Variants in MCCC1 observed in about 807,000 individuals in gnomAD.
MCCC1 encodes methylcrotonyl-CoA carboxylase subunit 1, also known as methylcrotonoyl-CoA carboxylase subunit alpha, mitochondrial.
MCCC1 carries 64 observed loss-of-function variants against 83.8 expected under a neutral mutation model. The observed-to-expected ratio is 0.76, with a 90% CI of 0.62 to 0.94. The LOEUF is 0.94. Ranked by LOEUF, MCCC1 falls within the 40% of genes least tolerant of loss-of-function variation. The pLI is 0.00. For missense variants in MCCC1, 807 were observed against 904.7 expected, an observed-to-expected ratio of 0.89 and a Z score of 1.39; for synonymous variants, 322 against 315.4, an observed-to-expected ratio of 1.02 and a Z score of -0.22.
chr3:183,022,460 G>A lies in MCCC1; in HGVS notation c.1826C>T (p.Ala609Val), dbSNP rs777026304. The stretch of plus-strand genomic sequence containing the variant: ...AGTGTTTTCCAGGATAATCAGCTTC[G>A]CTTTACTAGCAACTCCATTAACAGA... ...KCSVNGVASK[A>V]KLIILENTIY... Residue 609 changes from alanine to valine, a missense_variant, in exon 16 of 19, where the codon GCG (alanine) becomes GTG (valine). Transcript: ENST00000265594. 2.2e-5 allele frequency: 36 copies of A among 1,613,886 alleles called. No individual in the cohort carries two copies. The East Asian group carries it at 3.3e-4, about 15-fold the overall frequency.
At chr3:183,100,913 G>T (rs1719213813), upstream of MCCC1, among the ~76,000 whole-genome samples, 1 of 152,258 alleles carries the variant, frequency 6.6e-6, no homozygotes, top group Non-Finnish European at 1.5e-5. Context: ...ACACGAGCGG[G>T]AACTGGGGCT....
intron 9 of MCCC1, among the ~76,000 whole-genome samples, chr3:183,046,391 T>C (rs760824634): frequency 9.8e-5 from 12 of 122,810 alleles, no homozygotes; most frequent in Admixed American, 3.0e-4. Flanking sequence ...CATTAGTGGA[T>C]TTTAAAATCA....
chr3:183,101,146 C>T (rs990685988), upstream of MCCC1, among the ~76,000 whole-genome samples: 1 of 152,240 alleles, frequency 6.6e-6, no homozygotes, highest in African/African-American at 2.4e-5. Flanking sequence ...GGGCAGGGCT[C>T]GGGACCTGCA....
At chr3:183,027,236 C>T (rs1223577656) in intron 14 of MCCC1, among the ~76,000 whole-genome samples, 1 of 152,152 alleles carries the variant, frequency 6.6e-6, no homozygotes, top group African/African-American at 2.4e-5. Flanking sequence ...TCCCCTGTCT[C>T]TCTCCCTCTC....
At chr3:183,038,123 A>T (rs1713777384) in intron 12 of MCCC1, among the ~76,000 whole-genome samples, 1 of 152,176 alleles carries the variant, frequency 6.6e-6, no homozygotes, top group Non-Finnish European at 1.5e-5. Context: ...AACAAAACAT[A>T]TGATGTCCCT....
chr3:183,081,761 G>A (rs115968561), intron 4 of MCCC1, among the ~76,000 whole-genome samples: 106 of 152,342 alleles, frequency 7.0e-4, no homozygotes, highest in African/African-American at 2.5e-3. Flanking sequence ...TGCTAATGCT[G>A]TTCAGGGGCT....
chr3:183,095,050 G>A (rs1332757253), intron 1 of MCCC1, among the ~76,000 whole-genome samples: 1 of 152,172 alleles, frequency 6.6e-6, no homozygotes, highest in Non-Finnish European at 1.5e-5. Context: ...TTGGGAAGCC[G>A]AGGCAAGCAG....
intron 4 of MCCC1, among the ~76,000 whole-genome samples, chr3:183,083,861 C>T (rs879410861): frequency 1.3e-5 from 2 of 152,178 alleles, no homozygotes; most frequent in African/African-American, 2.4e-5. Context: ...CAACACCTTC[C>T]CTTTTTCCAA....
intron 7 of MCCC1, among the ~76,000 whole-genome samples, chr3:183,067,924 T>G (rs898986859): frequency 2.0e-5 from 3 of 152,174 alleles, no homozygotes; most frequent in Admixed American, 2.0e-4. Flanking sequence ...GATATCACCT[T>G]TTGTTGGAAC....
intron 16 of MCCC1, among the ~76,000 whole-genome samples, chr3:183,020,461 A>G (rs1021246403): frequency 1.3e-5 from 2 of 151,852 alleles, no homozygotes; most frequent in African/African-American, 4.8e-5. Context: ...GCGAAACCTC[A>G]TCTCTACAAA....
Position 183,015,585 on chromosome 3 carries a change from G to C in MCCC1, c.2050-19C>G. On this transcript the variant is annotated intron_variant, in intron 18 of 18. Transcript: ENST00000265594. ...TGGTATGCTGCAGAGACACATGACA[G>C]GACAAATGATAGCTGCAATACTAAT... is the stretch of plus-strand genomic sequence containing the variant. 6.2e-7 allele frequency: 1 copy of C among 1,613,926 alleles called. No homozygotes were observed. The highest frequency in any genetic ancestry group is 1.1e-5 in the South Asian group (1 of 91,062).
At position 183,039,050 on chromosome 3, in the gene MCCC1, C is replaced by T. The variant is rs1209462242; in HGVS notation, c.1353G>A (p.Leu451=). The change falls in exon 12 of 19, where the codon CTG becomes CTA. Residue 451 remains leucine (L), a synonymous_variant. Transcript: ENST00000265594. ...AADRQAALTK[L]RYSLRQYNIV... Reference sequence around the variant, plus strand: ...CATTGTACTGACGAAGGCTGTACCTCAGTTTTGTCAATGCCGCCTGGCGAT... The same window carrying T: ...CATTGTACTGACGAAGGCTGTACCTTAGTTTTGTCAATGCCGCCTGGCGAT... 1.9e-6 allele frequency: 3 copies of T among 1,614,202 alleles called. No individual in the cohort carries two copies. Among genetic ancestry groups the T allele is most frequent in the Non-Finnish European group, 1.7e-6 (2 of 1,180,034 alleles).
intron 8 of MCCC1, among the ~76,000 whole-genome samples, chr3:183,055,855 G>A (rs948235848): frequency 1.3e-5 from 2 of 152,114 alleles, no homozygotes; most frequent in Non-Finnish European, 2.9e-5. Flanking sequence ...TTATGATCAT[G>A]CCACTGCACT....
In MCCC1 at chr3:183,071,281, A is replaced by T. The variant is rs751785955; in HGVS notation, c.568T>A (p.Cys190Ser). The change falls in exon 6 of 19, where the codon TGC becomes AGC. Residue 190 changes from cysteine (C) to serine (S), a missense_variant. Physicochemically the swap from Cys to Ser is moderately radical, Grantham distance 112. Transcript: ENST00000265594. Reference sequence around the variant, plus strand: ...ATTCTCCTGGCGTGTTCCTTCAGGCACTGGTCTGATTGGTCCTCACCATGA... The same window carrying T: ...ATTCTCCTGGCGTGTTCCTTCAGGCTCTGGTCTGATTGGTCCTCACCATGA... ...GYHGEDQSDQ[C>S]LKEHARRIGY... The T allele has an allele frequency of 1.9e-6, 3 of 1,614,100 alleles. No homozygotes were observed. The highest frequency in any genetic ancestry group is 1.3e-5 in the African/African-American group (1 of 74,936).
chr3:183,116,026 T>G (rs1407826975), exon 1 of MCCC1: 3 of 152,208 alleles, frequency 2.0e-5, no homozygotes, highest in African/African-American at 7.2e-5. Context: ...TTTTTTAAAT[T>G]AAGCTAGAAA....
intron 4 of MCCC1, among the ~76,000 whole-genome samples, chr3:183,085,749 C>A (rs564392819): frequency 6.6e-6 from 1 of 152,302 alleles, no homozygotes; most frequent in African/African-American, 2.4e-5. Context: ...GCAAATCCAG[C>A]CTTCTACGTG....
At chr3:183,042,133 T>C (rs1038166970) in intron 10 of MCCC1, among the ~76,000 whole-genome samples, 2 of 152,138 alleles carry the variant, frequency 1.3e-5, no homozygotes, top group Non-Finnish European at 2.9e-5. Flanking sequence ...TTTTAAAAAA[T>C]AGTATATTAT....
intron 13 of MCCC1, among the ~76,000 whole-genome samples, chr3:183,036,688 T>C (rs1387785325): frequency 1.3e-5 from 2 of 152,030 alleles, no homozygotes; most frequent in African/African-American, 2.4e-5. Context: ...TACAGGTGCG[T>C]GCCACCACAC....
intron 3 of MCCC1, among the ~76,000 whole-genome samples, chr3:183,089,054 C>T (rs1417765066): frequency 6.6e-6 from 1 of 152,166 alleles, no homozygotes; most frequent in East Asian, 1.9e-4. Flanking sequence ...GAAGGATATG[C>T]ATAGTTTAAT....
Sources: allele counts gnomAD v4.1 joint callset (sites outside exome capture counted in the v4.1 genomes callset), GRCh38; gene constraint gnomAD v4.1.1; transcripts MANE v1.5; gene names NCBI Gene and HGNC (gene_info 2026-07-23, HGNC 2026-07-21).